The following DOT1L variants were observed in gnomAD, a reference collection of about 807,000 sequenced individuals.
DOT1L encodes the protein histone-lysine N-methyltransferase, H3 lysine-79 specific.
Under a neutral mutation model 153.3 loss-of-function variants are expected in DOT1L, and 33 were observed. That is an observed-to-expected ratio of 0.22 (90% CI 0.16 to 0.29). The LOEUF is 0.29. Among genes scored for constraint, DOT1L ranks in the 10% least tolerant of loss-of-function variants. The pLI, the probability that DOT1L is intolerant of heterozygous loss-of-function variation, is 1.00. For missense variants in DOT1L, 1,847 were observed against 2,119.9 expected (o/e 0.87, Z 2.53); for synonymous variants, 1,135 against 965.1 (o/e 1.18, Z -3.26).
intron 1 of DOT1L, among the ~76,000 whole-genome samples, chr19:2,165,240 T>G (rs1269668654): frequency 6.6e-6 from 1 of 151,794 alleles, no homozygotes; most frequent in African/African-American, 2.4e-5. Flanking sequence ...GGGGGGCGCG[T>G]CTGCAGGGCC....
At chr19:2,168,595 G>T (rs1180554110) in intron 1 of DOT1L, among the ~76,000 whole-genome samples, 1 of 152,264 alleles carries the variant, frequency 6.6e-6, no homozygotes, top group African/African-American at 2.4e-5. Flanking sequence ...CTGGATAACC[G>T]CTTTTCTCAA....
intron 7 of DOT1L, among the ~76,000 whole-genome samples, chr19:2,198,593 C>A (rs2023116343): frequency 6.6e-6 from 1 of 152,226 alleles, no homozygotes; most frequent in African/African-American, 2.4e-5. Context: ...GACTCCGTCC[C>A]CATCCTGAGA....
chr19:2,171,625 T>C (rs1317765478), intron 1 of DOT1L, among the ~76,000 whole-genome samples: 1 of 152,112 alleles, frequency 6.6e-6, no homozygotes, highest in African/African-American at 2.4e-5. Flanking sequence ...CGCCGCCGGG[T>C]GTCGCTCCGT....
At chr19:2,206,168 T>C (rs2023482380) in intron 9 of DOT1L, among the ~76,000 whole-genome samples, 1 of 152,130 alleles carries the variant, frequency 6.6e-6, no homozygotes. Context: ...TGGCTAGTTT[T>C]TGTATTTTTT....
At chr19:2,180,905 G>A in intron 2 of DOT1L, 149 bp downstream of exon 2, 3 of 899,838 alleles carry the variant, frequency 3.3e-6, no homozygotes, top group South Asian at 1.7e-5. Context: ...ACTCAGGGAC[G>A]GGTAGAGCTG....
rs1451081462 is a variant in DOT1L at position 2,193,492 on chromosome 19, C to T, written c.494-197C>T. Among the ~76,000 whole-genome samples, 2 of 152,174 alleles carry T rather than the reference C, an allele frequency of 1.3e-5. No homozygotes were observed. The highest frequency in any genetic ancestry group is 6.5e-5 in the Admixed American group (1 of 15,280). On this transcript the variant is annotated intron_variant, in intron 5 of 27. Coordinates refer to ENST00000398665, the MANE Select transcript of DOT1L (RefSeq NM_032482.3). The surrounding 1 kb of genome is among the most constrained non-coding windows in gnomAD (Gnocchi z 5.9). ...TGACGCGTTGTGATGACCGTCCCCT[C>T]GTGGGGGCTCTGTCAGGGGCCTGGT...
intron 1 of DOT1L, among the ~76,000 whole-genome samples, chr19:2,174,181 A>G (rs564446658): frequency 6.6e-6 from 1 of 152,194 alleles, no homozygotes; most frequent in Non-Finnish European, 1.5e-5. Flanking sequence ...CTTGTCAGCC[A>G]TCCTTGGTCT....
At position 2,226,190 on chromosome 19, in the gene DOT1L, C is replaced by G; in HGVS notation, c.3669C>G (p.Gly1223=). ...GCCTTTCCTCTTTGCCAGGTGGTGG[C>G]TTGGCGGGAAGGAAGCCCGCGCCCG... ...SPPKTLENGG[G]LAGRKPAPAG... The change falls in exon 27 of 28, where the codon GGC becomes GGG. Residue 1223 remains glycine, a synonymous_variant. Coordinates refer to ENST00000398665, the MANE Select transcript of DOT1L (RefSeq NM_032482.3). 3 of 1,516,202 alleles carry G rather than the reference C, an allele frequency of 2.0e-6. No homozygotes were observed. Among genetic ancestry groups the G allele is most frequent in the Non-Finnish European group, 1.8e-6 (2 of 1,130,592 alleles). The allele number at this position is 1,516,202 out of a possible 1,614,324, so 93.9% of individuals were successfully genotyped here.
chr19:2,198,112 A>C (rs1408544101), intron 7 of DOT1L, among the ~76,000 whole-genome samples: 1 of 152,246 alleles, frequency 6.6e-6, no homozygotes, highest in Non-Finnish European at 1.5e-5. Context: ...CTTCGGCCCC[A>C]GAGCCCATCC....
chr19:2,226,335 C>G lies in DOT1L; in HGVS notation c.3814C>G (p.Leu1272Val). ...CAGCTCCGCCCTCAGCCAGAACTCC[C>G]TGTTCACGTTCCGGCCCGCCCTGGA... is the stretch of plus-strand genomic sequence containing the variant. ...QASSALSQNS[L>V]FTFRPALEEP... Residue 1272 changes from leucine (L) to valine (V), a missense_variant, in exon 27 of 28, where the codon CTG becomes GTG. Physicochemically the swap from Leu to Val is conservative, Grantham distance 32 (BLOSUM62 1). Around this residue, in one of 8 missense-constraint regions of DOT1L, gnomAD observed 934 missense variants for 825.3 expected, o/e 1.13. Transcript: ENST00000398665. 1 of 1,596,804 alleles carries G rather than the reference C, an allele frequency of 6.3e-7. No homozygotes were observed.
chr19:2,194,659 C>A (rs1011520901), intron 7 of DOT1L, 82 bp downstream of exon 7: 1 of 1,389,144 alleles, frequency 7.2e-7, no homozygotes. Context: ...CCTTTCTTGC[C>A]GATGTTGGCA....
chr19:2,229,521 C>T (rs1361189499), intron 27 of DOT1L: 2 of 985,330 alleles, frequency 2.0e-6, no homozygotes, highest in African/African-American at 3.5e-5. Context: ...GGTAGGGTGG[C>T]TTTAGCTGGA....
chr19:2,227,682 C>T lies in DOT1L; in HGVS notation c.4606+555C>T, dbSNP rs191587469. ...TTGTGAGCCTGCGGCTGCTGCTCTG[C>T]GCTTGCCTGGATGCTGCCGCTTGTT... On this transcript the variant is annotated intron_variant, in intron 27 of 27. Coordinates refer to ENST00000398665, the MANE Select transcript of DOT1L (RefSeq NM_032482.3). 7,442 of 1,291,210 alleles carry T rather than the reference C, an allele frequency of 5.8e-3. 38 individuals are homozygous for T. The highest frequency in any genetic ancestry group is 0.013 in the Middle Eastern group (39 of 3,024). The allele number at this position is 1,291,210 out of a possible 1,614,324, so 80.0% of individuals were successfully genotyped here.
chr19:2,227,726 C>G, intron 27 of DOT1L: 1 of 1,311,648 alleles, frequency 7.6e-7, no homozygotes, highest in Non-Finnish European at 1.0e-6. Flanking sequence ...GTTTTTCTCT[C>G]CTATTTGCAG....
rs770578851 is a variant in DOT1L, at chr19:2,226,583, C to T, written c.4062C>T (p.Pro1354=). 7 of 1,599,968 alleles carry T rather than the reference C, an allele frequency of 4.4e-6. No homozygotes were observed. In the Admixed American group the frequency reaches 5.0e-5, roughly 11 times the overall value. The part of the protein sequence containing the change: ...AAGLSSPLSF[P]SQRGKEGSDA... ...GCCTGAGCTCCCCGCTGAGCTTCCC[C>T]TCGCAGCGCGGCAAGGAGGGCTCGG... is the stretch of plus-strand genomic sequence containing the variant. The change falls in exon 27 of 28, where the codon CCC becomes CCT. Residue 1354 remains proline (P), a synonymous_variant. Transcript: ENST00000398665.
At chr19:2,223,192 A>C (rs991268288) in intron 24 of DOT1L, 89 bp from the exon 25 acceptor site, 1 of 1,454,274 alleles carries the variant, frequency 6.9e-7, no homozygotes, top group Admixed American at 1.8e-5. Flanking sequence ...CCTGGGGTGC[A>C]GACAGGAGCC....
chr19:2,175,159 C>A (rs8109644), intron 1 of DOT1L, among the ~76,000 whole-genome samples: 1 of 151,862 alleles, frequency 6.6e-6, no homozygotes, highest in East Asian at 1.9e-4. Context: ...CCACCACGCC[C>A]GGTTAATTTT....
In DOT1L at chr19:2,217,727, A is replaced by AG; in HGVS notation, c.2545-41dup. ...TGTGGCTGTGGTCCCTGTGTCCTGG[A>AG]GGGGTTTGTTGACCCACGACTGGGG... On this transcript the variant is annotated intron_variant, in intron 21 of 27. Coordinates refer to ENST00000398665, the MANE Select transcript of DOT1L (RefSeq NM_032482.3). The surrounding 1 kb of genome is among the most constrained non-coding windows in gnomAD (Gnocchi z 7.3). 1 of 1,571,592 alleles carries AG rather than the reference A, an allele frequency of 6.4e-7. No homozygotes were observed. The highest frequency in any genetic ancestry group is 8.6e-7 in the Non-Finnish European group (1 of 1,159,690).
chr19:2,194,406 C>A (rs2022928389), intron 6 of DOT1L, 109 bp from the exon 7 acceptor site: 5 of 1,214,288 alleles, frequency 4.1e-6, no homozygotes, highest in Non-Finnish European at 6.0e-6. Flanking sequence ...CTCCTGACCT[C>A]ATGATCCGCC....
Sources: gnomAD v4.1 joint callset for allele counts (sites outside exome capture counted in the v4.1 genomes callset) on GRCh38, gnomAD v4.1.1 for gene constraint, gnomAD v4.1.1 regional missense constraint, Gnocchi (gnomAD v3.1) non-coding constraint, MANE v1.5 for transcripts, NCBI Gene and HGNC (gene_info 2026-07-23, HGNC 2026-07-21) for gene names.